SH2D2A: variants seen among roughly 807,000 people sequenced by gnomAD.
The protein encoded by SH2D2A is SH2 domain-containing protein 2A.
SH2D2A carries 33 observed loss-of-function variants against 43.6 expected under a neutral mutation model. That is an observed-to-expected ratio of 0.76 (90% CI 0.57 to 1.01). The LOEUF is 1.01. Among genes scored for constraint, SH2D2A ranks in the 50% least tolerant of loss-of-function variants. SH2D2A has a pLI of 0.00. For synonymous variants in SH2D2A, 212 were observed against 206.1 expected, an observed-to-expected ratio of 1.03 and a Z score of -0.25; for missense variants, 491 against 503.1, an observed-to-expected ratio of 0.98 and a Z score of 0.23.
At position 156,814,897 on chromosome 1, in the gene SH2D2A, G is replaced by T. The variant is rs148022499; in HGVS notation, c.308+140C>A. 341 of 631,864 alleles carry T rather than the reference G, an allele frequency of 5.4e-4. No homozygotes were observed. In the East Asian group the frequency reaches 7.9e-3, roughly 15 times the overall value. The allele number at this position is 631,864 out of a possible 1,614,324, so 39.1% of individuals were successfully genotyped here. On this transcript the variant is annotated intron_variant, in intron 3 of 8. Transcript: ENST00000368199. ...GTGAAAGGCTAGGAAAACTCTGGGA[G>T]TGGGAGCCTGGAGTGGGCGCCTCCA... is the stretch of plus-strand genomic sequence containing the variant.
rs1408508114 is a variant in SH2D2A at position 156,807,232 on chromosome 1, T to C, written c.1116A>G (p.Arg372=). The C allele has an allele frequency of 2.5e-6, 4 of 1,591,678 alleles. No individual in the cohort carries two copies. The African/African-American group carries it at 5.4e-5, about 22-fold the overall frequency. The change falls in exon 8 of 9, where the codon AGA becomes AGG. Residue 372 remains arginine (R), a synonymous_variant. Coordinates refer to ENST00000368199, the MANE Select transcript of SH2D2A (RefSeq NM_003975.4). The surrounding 1 kb of genome is among the most constrained non-coding windows in gnomAD (Gnocchi z 5.1). The part of the protein sequence containing the change: ...WRHTLPHNLS[R]QVLQDRGQAW... ...CCTGTCCTCTGTCCTGAAGCACCTGTCTAGAAAGATTGTGGGGGAGGGTGT... is the reference window on the plus strand; with the variant it reads ...CCTGTCCTCTGTCCTGAAGCACCTGCCTAGAAAGATTGTGGGGGAGGGTGT...
In SH2D2A at chr1:156,814,854, C is replaced by T. The variant is rs78587137; in HGVS notation, c.308+183G>A. 2,938 of 512,680 alleles carry T rather than the reference C, an allele frequency of 5.7e-3. 133 individuals carry two copies. In the East Asian group the frequency reaches 0.091, roughly 16 times the overall value. 31.8% of individuals were successfully genotyped at this position (512,680 alleles called of 1,614,324 possible). A position where few individuals can be genotyped will look rare whatever the true frequency, so the allele number is the denominator to read the frequency against. ...GGACTGGAGCCTCTCCAATGATCTC[C>T]CCTGGAGAGATGCCTCAGTGAAAGG... is the stretch of plus-strand genomic sequence containing the variant. On this transcript the variant is annotated intron_variant, in intron 3 of 8. Coordinates refer to ENST00000368199, the MANE Select transcript of SH2D2A (RefSeq NM_003975.4).
At chr1:156,815,004 CT>C (rs1653756418) in intron 3 of SH2D2A, 32 bp downstream of exon 3, 2 of 1,438,492 alleles carry the variant, frequency 1.4e-6, no homozygotes, top group African/African-American at 1.5e-5. Flanking sequence ...TGCCCTGCCC[CT>C]GTCTGGGCCA....
At position 156,814,208 on chromosome 1, in the gene SH2D2A, T is replaced by C; in HGVS notation, c.395A>G (p.Tyr132Cys). 6.2e-7 allele frequency: 1 copy of C among 1,613,540 alleles called. No homozygotes were observed. Among genetic ancestry groups the C allele is most frequent in the Non-Finnish European group, 8.5e-7 (1 of 1,179,858 alleles). The part of the protein sequence containing the change: ...SESAVTFVLT[Y>C]RSRTCCRHFL... ...GGCGCGGGGCCTCGCCCCTCACCTG[T>C]AAGTCAGCACGAAGGTCACCGCGCT... The change falls in exon 4 of 9, where the codon TAC (tyrosine) becomes TGC (cysteine). Residue 132 changes from tyrosine to cysteine, a missense_variant. Physicochemically the swap from Tyr to Cys is radical, Grantham distance 194. Coordinates refer to ENST00000368199, the MANE Select transcript of SH2D2A (RefSeq NM_003975.4).
Position 156,809,173 on chromosome 1 carries a change from G to A in SH2D2A, c.1002+30C>T, listed in dbSNP as rs1249156736. On this transcript the variant is annotated intron_variant, in intron 7 of 8. Transcript: ENST00000368199. The surrounding 1 kb of genome is among the most constrained non-coding windows in gnomAD (Gnocchi z 4.8). The stretch of plus-strand genomic sequence containing the variant: ...CATCTACCTGCAGGGAGACCTTCTT[G>A]CACCTACCTTTCCCTGCATACCCAT... The A allele has an allele frequency of 3.2e-6, 5 of 1,573,356 alleles. No homozygotes were observed. The East Asian group carries it at 9.0e-5, about 28-fold the overall frequency.
At position 156,809,835 on chromosome 1, in the gene SH2D2A, A is replaced by C; in HGVS notation, c.568-28T>G. The C allele has an allele frequency of 6.2e-7, 1 of 1,608,182 alleles. No homozygotes were observed. Among genetic ancestry groups the C allele is most frequent in the Non-Finnish European group, 8.5e-7 (1 of 1,177,700 alleles). ...GCTGGGAAAGAAGGAGGTCTGAGGC[A>C]CTCGGTGGAGCGTTGGGGTGGGGGA... is the stretch of plus-strand genomic sequence containing the variant. On this transcript the variant is annotated intron_variant, in intron 5 of 8. Coordinates refer to ENST00000368199, the MANE Select transcript of SH2D2A (RefSeq NM_003975.4). The surrounding 1 kb of genome is among the most constrained non-coding windows in gnomAD (Gnocchi z 4.8).
At chr1:156,814,496 G>T (rs1482815165) in intron 3 of SH2D2A, 1 of 1,013,250 alleles carries the variant, frequency 9.9e-7, no homozygotes, top group South Asian at 1.7e-5. Flanking sequence ...GGGGCCAGGG[G>T]TCCCATTCAG....
Position 156,807,993 on chromosome 1 carries a change from G to A in SH2D2A, c.1003-648C>T, listed in dbSNP as rs1571607478. On this transcript the variant is annotated intron_variant, in intron 7 of 8. Coordinates refer to ENST00000368199, the MANE Select transcript of SH2D2A (RefSeq NM_003975.4). This position sits in a 1 kb window ranked among gnomAD's most constrained non-coding sequence, Gnocchi z 5.1. ...CAGAAGTGGCAAGAATGGTGGTTAG[G>A]AAACCAGTTAAGAAGCTCTTGGGAG... 6.6e-6 allele frequency among the ~76,000 whole-genome samples: 1 copy of A among 152,144 alleles called. No individual in the cohort carries two copies. The highest frequency in any genetic ancestry group is 1.9e-4 in the East Asian group (1 of 5,202).
intron 3 of SH2D2A, 139 bp from the exon 4 acceptor site, chr1:156,814,433 GGA>G (rs1264771011): frequency 6.3e-6 from 9 of 1,438,180 alleles, no homozygotes; most frequent in Non-Finnish European, 8.3e-6. Flanking sequence ...GCGGAGATGG[GGA>G]GAGAGAGCAC....
In SH2D2A at chr1:156,809,153, A is replaced by C; in HGVS notation, c.1002+50T>G. On this transcript the variant is annotated intron_variant, in intron 7 of 8. Coordinates refer to ENST00000368199, the MANE Select transcript of SH2D2A (RefSeq NM_003975.4). This position sits in a 1 kb window ranked among gnomAD's most constrained non-coding sequence, Gnocchi z 4.8. ...ACACCTTCTTCACCTTCCCCCATCT[A>C]CCTGCAGGGAGACCTTCTTGCACCT... The C allele has an allele frequency of 2.0e-6, 3 of 1,532,090 alleles. No homozygotes were observed. Among genetic ancestry groups the C allele is most frequent in the East Asian group, 2.3e-5 (1 of 44,182 alleles). 94.9% of individuals were successfully genotyped at this position (1,532,090 alleles called of 1,614,324 possible). A position where few individuals can be genotyped will look rare whatever the true frequency, so the allele number is the denominator to read the frequency against.
At chr1:156,816,576 C>G in intron 1 of SH2D2A, 99 bp downstream of exon 1, 5 of 1,326,142 alleles carry the variant, frequency 3.8e-6, no homozygotes, top group Non-Finnish European at 5.2e-6. Flanking sequence ...AGGGTGGGGC[C>G]CCTCATCCCT....
At chr1:156,815,410 C>T in intron 2 of SH2D2A, 189 bp from the exon 3 acceptor site, 3 of 577,536 alleles carry the variant, frequency 5.2e-6, no homozygotes, top group Non-Finnish European at 9.2e-6. Context: ...GTTCTGGCTT[C>T]CAGAGACTCT....
rs1158647576 is a variant in SH2D2A at position 156,807,752 on chromosome 1, A to C, written c.1003-407T>G. Among the ~76,000 whole-genome samples the C allele has an allele frequency of 6.6e-6, 1 of 152,204 alleles. No individual in the cohort carries two copies. The highest frequency in any genetic ancestry group is 1.5e-5 in the Non-Finnish European group (1 of 68,032). ...GGCAGCGGGAGGATGAGGTTGCAGG[A>C]AGTTGCTATAGGCAGAGATACTGGC... On this transcript the variant is annotated intron_variant, in intron 7 of 8. Transcript: ENST00000368199. This position sits in a 1 kb window ranked among gnomAD's most constrained non-coding sequence, Gnocchi z 5.1.
Position 156,816,011 on chromosome 1 carries a change from T to C in SH2D2A, c.118A>G (p.Thr40Ala), listed in dbSNP as rs1295852128. The C allele has an allele frequency of 4.3e-6, 7 of 1,613,882 alleles. No individual in the cohort carries two copies. Among genetic ancestry groups the C allele is most frequent in the Non-Finnish European group, 5.1e-6 (6 of 1,179,910 alleles). ...CGCCCCAGGTTTCCACTCACCGCAGTGTAGCCCAGGTTCTGGCAGCTCCTG... is the reference window on the plus strand; with the variant it reads ...CGCCCCAGGTTTCCACTCACCGCAGCGTAGCCCAGGTTCTGGCAGCTCCTG... ...TRRSCQNLGYTAASPQAPEAA... is the reference protein window; with the variant it reads ...TRRSCQNLGYAAASPQAPEAA... Residue 40 changes from threonine (T) to alanine (A), a missense_variant, in exon 2 of 9, where the codon ACT (threonine) becomes GCT (alanine). Thr to Ala is a moderately conservative substitution (Grantham distance 58, BLOSUM62 0). Coordinates refer to ENST00000368199, the MANE Select transcript of SH2D2A (RefSeq NM_003975.4).
chr1:156,808,985 C>A lies in SH2D2A; in HGVS notation c.1002+218G>T, dbSNP rs150244807. Among the ~76,000 whole-genome samples, 1,077 of 151,996 alleles carry A rather than the reference C, an allele frequency of 7.1e-3. 10 individuals are homozygous for A. The highest frequency in any genetic ancestry group is 0.024 in the African/African-American group (1,014 of 41,466). On this transcript the variant is annotated intron_variant, in intron 7 of 8. Transcript: ENST00000368199. ...GAGATAGGAGGGCATGGGGGCTTGA[C>A]AAAGATGAGGTCTGAGCGACTCTGG...
In SH2D2A at chr1:156,816,798, C is replaced by T; in HGVS notation, c.-90G>A. On this transcript the variant is annotated 5_prime_UTR_variant, in exon 1 of 9. Transcript: ENST00000368199. ...CTCAGCAACTCATCATCTCTCCTCT[C>T]ACCCTGGCCCCGGGGGCAGGAAATG... 8.0e-7 allele frequency: 1 copy of T among 1,253,504 alleles called. No individual in the cohort carries two copies. The highest frequency in any genetic ancestry group is 1.1e-6 in the Non-Finnish European group (1 of 926,668). 77.6% of individuals were successfully genotyped at this position (1,253,504 alleles called of 1,614,324 possible).
At chr1:156,812,059 T>C (rs1653458384) in intron 5 of SH2D2A, among the ~76,000 whole-genome samples, 1 of 152,036 alleles carries the variant, frequency 6.6e-6, no homozygotes, top group Admixed American at 6.6e-5. Flanking sequence ...GATGTGTTCC[T>C]CCTAGAACTT....
intron 5 of SH2D2A, among the ~76,000 whole-genome samples, chr1:156,811,437 A>C (rs1026378669): frequency 6.6e-6 from 1 of 151,800 alleles, no homozygotes. Context: ...GAGTGACAAG[A>C]CTCTGTGTGA....
intron 5 of SH2D2A, among the ~76,000 whole-genome samples, chr1:156,810,483 GTTTA>G (rs1653331117): frequency 6.6e-6 from 1 of 151,480 alleles, no homozygotes; most frequent in Non-Finnish European, 1.5e-5. Flanking sequence ...CTGTGCTTGT[GTTTA>G]TTTCTGTACT....
Sources: allele counts gnomAD v4.1 joint callset (sites outside exome capture counted in the v4.1 genomes callset), GRCh38; gene constraint gnomAD v4.1.1; non-coding constraint Gnocchi (gnomAD v3.1); transcripts MANE v1.5; gene names NCBI Gene and HGNC (gene_info 2026-07-23, HGNC 2026-07-21).